PPP3CA: variants seen among roughly 807,000 people sequenced by gnomAD.
PPP3CA encodes the protein CAM-PRP catalytic subunit.
PPP3CA carries 14 observed loss-of-function variants against 66.5 expected under a neutral mutation model. That is an observed-to-expected ratio of 0.21 (90% CI 0.14 to 0.33). The LOEUF (loss-of-function observed/expected upper bound fraction) is 0.33, where lower values mean the gene tolerates loss of function less well. Ranked by LOEUF, PPP3CA falls within the 10% of genes least tolerant of loss-of-function variation. PPP3CA has a pLI of 1.00. For missense variants in PPP3CA, 317 were observed against 639.5 expected, an observed-to-expected ratio of 0.50 and a Z score of 5.44; for synonymous variants, 232 against 226.2, an observed-to-expected ratio of 1.03 and a Z score of -0.23.
At chr4:101,091,315 A>G (rs551922970) in intron 6 of PPP3CA, among the ~76,000 whole-genome samples, 9 of 152,302 alleles carry the variant, frequency 5.9e-5, no homozygotes, top group Admixed American at 5.9e-4. Flanking sequence ...ATAAATTTAA[A>G]CATCTTTAAT....
intron 3 of PPP3CA, among the ~76,000 whole-genome samples, chr4:101,105,792 A>G (rs76418050): frequency 0.013 from 2,048 of 152,262 alleles, 45 homozygotes; most frequent in African/African-American, 0.047. Context: ...GTGAAAAGTC[A>G]CAAATGTTAT....
intron 10 of PPP3CA, among the ~76,000 whole-genome samples, chr4:101,045,417 A>C (rs946424642): frequency 3.3e-5 from 5 of 152,198 alleles, no homozygotes; most frequent in African/African-American, 7.2e-5. Context: ...AAAATCTGCA[A>C]ATGCTACAAA....
Position 101,303,800 on chromosome 4 carries a change from C to T in PPP3CA, c.58+42939G>A, listed in dbSNP as rs542217290. ...GTCAACTATCTGATATTCTTAGAAG[C>T]ACTGGCAATTGGAAGTCCTCTTAAG... On this transcript the variant is annotated intron_variant, in intron 1 of 13. Transcript: ENST00000394854. Among the ~76,000 whole-genome samples the T allele has an allele frequency of 7.2e-5, 11 of 152,210 alleles. No homozygotes were observed. In the South Asian group the frequency reaches 2.3e-3, roughly 32 times the overall value.
In PPP3CA at chr4:101,319,543, G is replaced by A. The variant is rs189345518; in HGVS notation, c.58+27196C>T. On this transcript the variant is annotated intron_variant, in intron 1 of 13. Coordinates refer to ENST00000394854, the MANE Select transcript of PPP3CA (RefSeq NM_000944.5). ...AAGCAAACTAAAAATACTCCTTTAC[G>A]ACTAAATCATCAATTTCAAATGGGC... is the stretch of plus-strand genomic sequence containing the variant. Among the ~76,000 whole-genome samples the A allele has an allele frequency of 8.2e-4, 124 of 152,136 alleles. 1 individual carries two copies. The highest frequency in any genetic ancestry group is 3.4e-3 in the Middle Eastern group (1 of 294).
At chr4:101,229,044 T>C (rs1725874081) in intron 1 of PPP3CA, among the ~76,000 whole-genome samples, 4 of 151,720 alleles carry the variant, frequency 2.6e-5, no homozygotes, top group Admixed American at 2.6e-4. Context: ...TATTATTATA[T>C]GGGTTTGCAA....
intron 2 of PPP3CA, among the ~76,000 whole-genome samples, chr4:101,167,506 G>T (rs571040911): frequency 4.0e-4 from 61 of 152,288 alleles, no homozygotes; most frequent in Non-Finnish European, 7.6e-4. Flanking sequence ...ATGAAAAAAA[G>T]AGTTAAACAT....
chr4:101,235,303 A>G (rs1726090665), intron 1 of PPP3CA, among the ~76,000 whole-genome samples: 1 of 151,748 alleles, frequency 6.6e-6, no homozygotes, highest in African/African-American at 2.4e-5. Flanking sequence ...CTCATTTGGG[A>G]TTCAAAGAAT....
intron 1 of PPP3CA, among the ~76,000 whole-genome samples, chr4:101,286,940 A>T (rs890331382): frequency 6.6e-6 from 1 of 152,054 alleles, no homozygotes; most frequent in African/African-American, 2.4e-5. Flanking sequence ...GACAGCTGGG[A>T]CTTGAACCTG....
intron 1 of PPP3CA, among the ~76,000 whole-genome samples, chr4:101,289,288 C>G (rs1332182017): frequency 3.3e-5 from 5 of 152,174 alleles, no homozygotes; most frequent in Admixed American, 6.5e-5. Context: ...TTGTATTCTG[C>G]ACTTTCACTT....
At chr4:101,077,024 A>G (rs2110236771) in intron 8 of PPP3CA, among the ~76,000 whole-genome samples, 1 of 152,332 alleles carries the variant, frequency 6.6e-6, no homozygotes, top group African/African-American at 2.4e-5. Context: ...GAGCTGTCAG[A>G]GTGAAGACAC....
intron 1 of PPP3CA, among the ~76,000 whole-genome samples, chr4:101,221,255 T>C (rs1211897849): frequency 1.3e-5 from 2 of 151,678 alleles, no homozygotes; most frequent in Non-Finnish European, 3.0e-5. Flanking sequence ...AGCCACGCTA[T>C]AGTGCCTCTT....
intron 2 of PPP3CA, among the ~76,000 whole-genome samples, chr4:101,151,421 G>A (rs1460078068): frequency 4.0e-5 from 6 of 151,592 alleles, no homozygotes; most frequent in Non-Finnish European, 8.8e-5. Flanking sequence ...TTAGCTGAGC[G>A]TGGTGGCGGA....
chr4:101,210,853 T>C (rs908210697), intron 1 of PPP3CA, among the ~76,000 whole-genome samples: 2 of 152,198 alleles, frequency 1.3e-5, no homozygotes, highest in African/African-American at 4.8e-5. Context: ...AAAAAAAGTT[T>C]ACACATCTGT....
intron 4 of PPP3CA, among the ~76,000 whole-genome samples, chr4:101,098,744 C>T (rs1025551170): frequency 4.6e-5 from 7 of 151,766 alleles, no homozygotes; most frequent in Admixed American, 3.3e-4. Context: ...ATTTTCATAA[C>T]GTTTTGTATA....
chr4:101,061,176 C>T lies in PPP3CA; in HGVS notation c.1082-15G>A. On this transcript the variant is annotated splice_polypyrimidine_tract_variant and intron_variant, in intron 9 of 13. Coordinates refer to ENST00000394854, the MANE Select transcript of PPP3CA (RefSeq NM_000944.5). ...CATCTCAGTCACTAAAGAGAGAAAG[C>T]AAAGAAAGAAAAGTCAGGGTTTTCT... 6 of 1,607,728 alleles carry T rather than the reference C, an allele frequency of 3.7e-6. No homozygotes were observed. Among genetic ancestry groups the T allele is most frequent in the Non-Finnish European group, 5.1e-6 (6 of 1,174,940 alleles).
intron 5 of PPP3CA, among the ~76,000 whole-genome samples, chr4:101,097,397 T>C (rs993655201): frequency 6.6e-6 from 1 of 152,114 alleles, no homozygotes; most frequent in Non-Finnish European, 1.5e-5. Flanking sequence ...TTTCAACTGT[T>C]TATAATTCCT....
rs1046331303 is a variant in PPP3CA, at chr4:101,055,261, C to A, written c.1156+5826G>T. Among the ~76,000 whole-genome samples, 17 of 152,080 alleles carry A rather than the reference C, an allele frequency of 1.1e-4. 1 individual carries two copies. The highest frequency in any genetic ancestry group is 2.9e-5 in the Non-Finnish European group (2 of 67,976). Reference sequence around the variant, plus strand: ...TGAAGGTTGATTTCTGTTAGCTCTACTTTGGAATCACTTACTAAACCTTGG... The same window carrying A: ...TGAAGGTTGATTTCTGTTAGCTCTAATTTGGAATCACTTACTAAACCTTGG... On this transcript the variant is annotated intron_variant, in intron 10 of 13. Coordinates refer to ENST00000394854, the MANE Select transcript of PPP3CA (RefSeq NM_000944.5).
chr4:101,210,484 G>T (rs1725267638), intron 1 of PPP3CA, among the ~76,000 whole-genome samples: 1 of 152,142 alleles, frequency 6.6e-6, no homozygotes, highest in Non-Finnish European at 1.5e-5. Context: ...GACCATTGAA[G>T]ATTAAACAAA....
rs560298384 is a variant in PPP3CA, at chr4:101,291,144, GTTATTCA to G, written c.58+55588_58+55594del. On this transcript the variant is annotated intron_variant, in intron 1 of 13. Coordinates refer to ENST00000394854, the MANE Select transcript of PPP3CA (RefSeq NM_000944.5). ...TTTTGCCCCTTAACTAGGCTATTCAGTTATTCAGTTACTTAGCGTAATTAGAACCTCT... is the reference window on the plus strand; with the variant it reads ...TTTTGCCCCTTAACTAGGCTATTCAGGTTACTTAGCGTAATTAGAACCTCT... Among the ~76,000 whole-genome samples, 1,850 of 76,392 alleles carry G rather than the reference GTTATTCA, an allele frequency of 0.024. 33 individuals carry two copies. In the African/African-American group the frequency reaches 0.26, roughly 11 times the overall value. 50.1% of individuals were successfully genotyped at this position (76,392 alleles called of 152,430 possible). A position where few individuals can be genotyped will look rare whatever the true frequency, so the allele number is the denominator to read the frequency against.
Sources: allele counts gnomAD v4.1 joint callset (sites outside exome capture counted in the v4.1 genomes callset), GRCh38; gene constraint gnomAD v4.1.1; transcripts MANE v1.5; gene names NCBI Gene and HGNC (gene_info 2026-07-23, HGNC 2026-07-21).